The following RGS20 variants were observed in gnomAD, a reference collection of about 807,000 sequenced individuals.
RGS20 encodes regulator of G protein signaling 20, also known as gz-selective GTPase-activating protein.
In RGS20, 30 loss-of-function variants were observed where a neutral mutation model predicts 33.6. The observed-to-expected ratio is 0.89, with a 90% confidence interval of 0.67 to 1.21. The LOEUF is 1.21. Among genes scored for constraint, RGS20 ranks in the 50% most tolerant of loss-of-function variants. The pLI, the probability that RGS20 is intolerant of heterozygous loss-of-function variation, is 0.00. For missense variants in RGS20, 472 were observed against 502.4 expected (o/e 0.94, Z 0.58); for synonymous variants, 208 against 197.9 (o/e 1.05, Z -0.43).
At chr8:53,953,116 T>C (rs1287940369) in intron 4 of RGS20, among the ~76,000 whole-genome samples, 1 of 152,240 alleles carries the variant, frequency 6.6e-6, no homozygotes. Context: ...CAATGTACAC[T>C]ATCCCATTGA....
chr8:53,945,651 C>A (rs574883064), intron 3 of RGS20, among the ~76,000 whole-genome samples: 1 of 152,280 alleles, frequency 6.6e-6, no homozygotes, highest in South Asian at 2.1e-4. Context: ...CACGGTGGCT[C>A]ATGCCTGTAA....
At position 53,879,406 on chromosome 8, in the gene RGS20, C is replaced by G; in HGVS notation, c.314C>G (p.Ser105Cys). Residue 105 changes from serine (S) to cysteine (C), a missense_variant, in exon 2 of 6, where the codon TCC becomes TGC. Coordinates refer to ENST00000297313, the MANE Select transcript of RGS20 (RefSeq NM_170587.4). ...GCTCCCCGGAGGCGCCTGGACTTCT[C>G]CCCCCTGCTTCCCGCCCTGCCGGCC... is the stretch of plus-strand genomic sequence containing the variant. 6.2e-7 allele frequency: 1 copy of G among 1,609,878 alleles called. No homozygotes were observed. Among genetic ancestry groups the G allele is most frequent in the African/African-American group, 1.3e-5 (1 of 74,792 alleles).
intron 2 of RGS20, among the ~76,000 whole-genome samples, chr8:53,908,038 C>G (rs960516074): frequency 1.3e-5 from 2 of 152,140 alleles, no homozygotes; most frequent in African/African-American, 4.8e-5. Flanking sequence ...AAGGTCAAAG[C>G]TGCCTGACGC....
intron 4 of RGS20, among the ~76,000 whole-genome samples, chr8:53,950,957 C>A (rs1242775579): frequency 3.3e-5 from 5 of 152,142 alleles, no homozygotes; most frequent in Admixed American, 2.6e-4. Context: ...ACAAAATAGA[C>A]TTTAAAAAAT....
chr8:53,915,952 A>G (rs1813471700), intron 2 of RGS20, among the ~76,000 whole-genome samples: 1 of 152,162 alleles, frequency 6.6e-6, no homozygotes, highest in Non-Finnish European at 1.5e-5. Flanking sequence ...TGTATTCCAT[A>G]CTTCCCCTTG....
intron 1 of RGS20, among the ~76,000 whole-genome samples, chr8:53,865,563 A>G (rs987423550): frequency 6.6e-6 from 1 of 152,182 alleles, no homozygotes; most frequent in African/African-American, 2.4e-5. Flanking sequence ...CATTAAGTAC[A>G]TGTTATATCC....
At chr8:53,906,187 G>A (rs1002902575) in intron 2 of RGS20, among the ~76,000 whole-genome samples, 10 of 151,998 alleles carry the variant, frequency 6.6e-5, no homozygotes, top group Non-Finnish European at 1.5e-4. Context: ...AGGCTGAGGC[G>A]GGCGGATCAC....
In RGS20 at chr8:53,931,416, G is replaced by C. The variant is rs372063593; in HGVS notation, c.511-8160G>C. On this transcript the variant is annotated intron_variant, in intron 2 of 5. Coordinates refer to ENST00000297313, the MANE Select transcript of RGS20 (RefSeq NM_170587.4). ...CTAAAAATACAAAAATTAGCTGGGC[G>C]TGGTGGTGGGCACCTGTAATCCCAG... is the stretch of plus-strand genomic sequence containing the variant. Among the ~76,000 whole-genome samples the C allele has an allele frequency of 2.4e-4, 36 of 152,226 alleles. 1 individual carries two copies. The highest frequency in any genetic ancestry group is 8.2e-4 in the African/African-American group (34 of 41,544).
chr8:53,907,049 A>C (rs1214375558), intron 2 of RGS20, among the ~76,000 whole-genome samples: 1 of 152,136 alleles, frequency 6.6e-6, no homozygotes, highest in Non-Finnish European at 1.5e-5. Context: ...TCATTTCTTC[A>C]ATGTGAAAGC....
intron 2 of RGS20, among the ~76,000 whole-genome samples, chr8:53,938,779 T>C (rs1814205867): frequency 6.6e-6 from 1 of 152,226 alleles, no homozygotes; most frequent in African/African-American, 2.4e-5. Context: ...CTCATGCTGC[T>C]TTTATATCTC....
At chr8:53,942,170 G>T (rs1170858095) in intron 3 of RGS20, among the ~76,000 whole-genome samples, 2 of 152,162 alleles carry the variant, frequency 1.3e-5, no homozygotes. Flanking sequence ...CTACTCAGGA[G>T]GCTGAGGCAG....
At chr8:53,858,955 T>C (rs1013215183) in intron 1 of RGS20, among the ~76,000 whole-genome samples, 5 of 148,688 alleles carry the variant, frequency 3.4e-5, no homozygotes, top group African/African-American at 1.2e-4. Flanking sequence ...ACTGAAAGGG[T>C]TTTCAGAAGA....
rs375620016 is a variant in RGS20, at chr8:53,958,391, G to A, written c.1100G>A (p.Arg367Gln). ...CTGATGCACAGAGACTCATATCCTC[G>A]ATTCATGAACTCTGCTGTCTATAAG... is the stretch of plus-strand genomic sequence containing the variant. Residue 367 changes from arginine to glutamine, a missense_variant, in exon 6 of 6, where the codon CGA becomes CAA. Transcript: ENST00000297313. 5.0e-6 allele frequency: 8 copies of A among 1,613,346 alleles called. No individual in the cohort carries two copies. The highest frequency in any genetic ancestry group is 1.1e-5 in the South Asian group (1 of 90,998).
At chr8:53,905,465 T>C (rs1048338251) in intron 2 of RGS20, among the ~76,000 whole-genome samples, 1 of 152,220 alleles carries the variant, frequency 6.6e-6, no homozygotes, top group Non-Finnish European at 1.5e-5. Context: ...TGAGCCACAG[T>C]GAGATGGACT....
At chr8:53,855,103 C>T (rs886934295) in intron 1 of RGS20, among the ~76,000 whole-genome samples, 2 of 151,960 alleles carry the variant, frequency 1.3e-5, no homozygotes, top group Non-Finnish European at 2.9e-5. Context: ...CTTGCTCTGT[C>T]GCCCAGGCTG....
chr8:53,897,561 C>G (rs572567070), intron 2 of RGS20, among the ~76,000 whole-genome samples: 3 of 152,344 alleles, frequency 2.0e-5, no homozygotes, highest in South Asian at 4.1e-4. Flanking sequence ...TCATACCCAA[C>G]AAAATTAACA....
At chr8:53,866,024 G>A (rs1811911093) in intron 1 of RGS20, among the ~76,000 whole-genome samples, 2 of 152,280 alleles carry the variant, frequency 1.3e-5, no homozygotes, top group East Asian at 1.9e-4. Flanking sequence ...CAACCCCAAC[G>A]TGAGAGAGCT....
intron 2 of RGS20, among the ~76,000 whole-genome samples, chr8:53,911,765 C>T (rs1486833123): frequency 6.6e-6 from 1 of 151,954 alleles, no homozygotes; most frequent in African/African-American, 2.4e-5. Flanking sequence ...ATGGTGAAAC[C>T]CCATCTCTAC....
chr8:53,870,717 C>A lies in RGS20; in HGVS notation c.166-8541C>A, dbSNP rs148063240. ...GCTGTGTCGGTGGCTTTGAGACAGC[C>A]TGTGGACTGATGATTCCACTCAGCT... On this transcript the variant is annotated intron_variant, in intron 1 of 5. Coordinates refer to ENST00000297313, the MANE Select transcript of RGS20 (RefSeq NM_170587.4). Among the ~76,000 whole-genome samples the A allele has an allele frequency of 1.1e-4, 17 of 152,254 alleles. No homozygotes were observed. The East Asian group carries it at 3.3e-3, about 29-fold the overall frequency.
Sources: gnomAD v4.1 joint callset for allele counts (sites outside exome capture counted in the v4.1 genomes callset) on GRCh38, gnomAD v4.1.1 for gene constraint, MANE v1.5 for transcripts, NCBI Gene and HGNC (gene_info 2026-07-23, HGNC 2026-07-21) for gene names.